PPM1L: variants seen among roughly 807,000 people sequenced by gnomAD.
The protein encoded by PPM1L is protein phosphatase, Mg2+/Mn2+ dependent 1L, also known as protein phosphatase 1L.
Under a neutral mutation model 31.4 loss-of-function variants are expected in PPM1L, and 13 were observed. That is an observed-to-expected ratio of 0.41 (90% CI 0.27 to 0.66). The LOEUF (loss-of-function observed/expected upper bound fraction) is 0.66. Ranked by LOEUF, PPM1L falls within the 30% of genes least tolerant of loss-of-function variation. The pLI, the probability that PPM1L is intolerant of heterozygous loss-of-function variation, is 0.29. For synonymous variants in PPM1L, 184 were observed against 175.4 expected (o/e 1.05, Z -0.39); for missense variants, 326 against 453.7 (o/e 0.72, Z 2.56).
intron 2 of PPM1L, among the ~76,000 whole-genome samples, chr3:160,992,431 T>A (rs763681814): frequency 9.2e-5 from 14 of 152,088 alleles, no homozygotes; most frequent in Non-Finnish European, 1.8e-4. Flanking sequence ...CCCAAGACAC[T>A]CTATCCAACT....
intron 2 of PPM1L, among the ~76,000 whole-genome samples, chr3:161,038,081 A>G (rs1016502943): frequency 6.6e-6 from 1 of 151,584 alleles, no homozygotes; most frequent in Non-Finnish European, 1.5e-5. Context: ...AAAAATACGA[A>G]AAATTAGCCG....
intron 1 of PPM1L, among the ~76,000 whole-genome samples, chr3:160,819,944 A>G (rs1199304592): frequency 1.3e-5 from 2 of 152,126 alleles, no homozygotes; most frequent in South Asian, 2.1e-4. Flanking sequence ...CTATGAACCT[A>G]TCACTGACTA....
chr3:161,025,946 G>GT (rs1473348655), intron 2 of PPM1L, among the ~76,000 whole-genome samples: 1 of 152,112 alleles, frequency 6.6e-6, no homozygotes, highest in African/African-American at 2.4e-5. Context: ...AGTTATTAAA[G>GT]TTGAGTGGTA....
chr3:161,050,266 A>G (rs1233599613), intron 2 of PPM1L, among the ~76,000 whole-genome samples: 1 of 152,232 alleles, frequency 6.6e-6, no homozygotes, highest in East Asian at 1.9e-4. Context: ...CCAGTGAGGA[A>G]AATCAAACAA....
intron 1 of PPM1L, among the ~76,000 whole-genome samples, chr3:160,791,885 T>C (rs541374303): frequency 5.0e-4 from 76 of 152,186 alleles, no homozygotes; most frequent in Middle Eastern, 3.4e-3. Context: ...AAAGGTGACA[T>C]GAGTTTTTTT....
intron 1 of PPM1L, among the ~76,000 whole-genome samples, chr3:160,912,190 G>T (rs562229050): frequency 6.6e-6 from 1 of 152,246 alleles, no homozygotes; most frequent in East Asian, 1.9e-4. Context: ...TGCAAGCTCC[G>T]TCCTGGGCCC....
At chr3:160,830,178 A>G (rs1444909314) in intron 1 of PPM1L, among the ~76,000 whole-genome samples, 1 of 152,152 alleles carries the variant, frequency 6.6e-6, no homozygotes, top group Non-Finnish European at 1.5e-5. Flanking sequence ...CATCCTTCTT[A>G]TCATCCTTAT....
chr3:160,806,148 T>A (rs1712595292), intron 1 of PPM1L, among the ~76,000 whole-genome samples: 1 of 152,208 alleles, frequency 6.6e-6, no homozygotes, highest in African/African-American at 2.4e-5. Context: ...ATATCCACTG[T>A]CTGCCTTATC....
intron 1 of PPM1L, among the ~76,000 whole-genome samples, chr3:160,944,706 A>G (rs971182934): frequency 3.9e-5 from 5 of 128,882 alleles, no homozygotes; most frequent in African/African-American, 1.4e-4. Context: ...TTAATTTTAT[A>G]TATAATATAT....
intron 2 of PPM1L, among the ~76,000 whole-genome samples, chr3:161,028,044 G>A (rs1718460603): frequency 6.6e-6 from 1 of 152,172 alleles, no homozygotes; most frequent in Non-Finnish European, 1.5e-5. Context: ...GTGACACTAG[G>A]AATCAGACCC....
intron 2 of PPM1L, among the ~76,000 whole-genome samples, chr3:160,979,634 G>T (rs1716729671): frequency 6.6e-6 from 1 of 152,052 alleles, no homozygotes; most frequent in African/African-American, 2.4e-5. Context: ...ACTCACAAGA[G>T]TGGTTACTTT....
chr3:161,062,085 G>T (rs944714899), intron 2 of PPM1L, among the ~76,000 whole-genome samples: 3 of 151,946 alleles, frequency 2.0e-5, no homozygotes, highest in Non-Finnish European at 4.4e-5. Context: ...GAAACACATA[G>T]GCTAGCACTG....
intron 1 of PPM1L, among the ~76,000 whole-genome samples, chr3:160,942,224 C>T (rs192174778): frequency 6.6e-6 from 1 of 152,214 alleles, no homozygotes; most frequent in African/African-American, 2.4e-5. Context: ...GGAAAAACTC[C>T]TTGGCGACTG....
At chr3:160,863,769 T>C (rs921955918) in intron 1 of PPM1L, among the ~76,000 whole-genome samples, 4 of 152,194 alleles carry the variant, frequency 2.6e-5, no homozygotes, top group Non-Finnish European at 5.9e-5. Flanking sequence ...TCTTTCTGCC[T>C]GAAACCTCAT....
chr3:160,857,597 C>T (rs1484686749), intron 1 of PPM1L, among the ~76,000 whole-genome samples: 1 of 152,104 alleles, frequency 6.6e-6, no homozygotes, highest in Admixed American at 6.6e-5. Context: ...TTATATTCTA[C>T]TGTTTATTGT....
At chr3:161,048,445 A>G (rs935117431) in intron 2 of PPM1L, among the ~76,000 whole-genome samples, 3 of 152,088 alleles carry the variant, frequency 2.0e-5, no homozygotes, top group Non-Finnish European at 2.9e-5. Context: ...TGCTGGAGAG[A>G]ATGTGGAGAA....
chr3:160,839,747 A>G (rs1247607774), intron 1 of PPM1L, among the ~76,000 whole-genome samples: 1 of 152,214 alleles, frequency 6.6e-6, no homozygotes, highest in Admixed American at 6.5e-5. Flanking sequence ...TGAACCTGCC[A>G]GTGAAATTTC....
At chr3:160,835,085 CTTTCTTTT>C (rs1560120596) in intron 1 of PPM1L, among the ~76,000 whole-genome samples, 10 of 117,910 alleles carry the variant, frequency 8.5e-5, no homozygotes, top group African/African-American at 3.3e-4. Flanking sequence ...TCTTCTTCTT[CTTTCTTTT>C]TTCTTTCTTC....
intron 1 of PPM1L, among the ~76,000 whole-genome samples, chr3:160,772,406 T>G (rs1715281339): frequency 6.6e-6 from 1 of 152,040 alleles, no homozygotes; most frequent in Non-Finnish European, 1.5e-5. Flanking sequence ...GCAACAGGAG[T>G]GCTTGGCTGG....
Sources: gnomAD v4.1 joint callset for allele counts (sites outside exome capture counted in the v4.1 genomes callset) on GRCh38, gnomAD v4.1.1 for gene constraint, MANE v1.5 for transcripts, NCBI Gene and HGNC (gene_info 2026-07-23, HGNC 2026-07-21) for gene names.